The following BICDL1 variants were observed in gnomAD, a reference collection of about 807,000 sequenced individuals.
BICDL1 encodes the protein BICD family like cargo adaptor 1, also known as BICD family-like cargo adapter 1.
Under a neutral mutation model 76.8 loss-of-function variants are expected in BICDL1, and 20 were observed. The ratio of observed to expected loss-of-function variants is 0.26; its 90% confidence interval spans 0.18 to 0.38. The LOEUF is 0.38. Among genes scored for constraint, BICDL1 ranks in the 10% least tolerant of loss-of-function variants. The probability of loss-of-function intolerance (pLI) is 1.00; values close to 1 mark genes in which losing one functional copy is unlikely to be tolerated. For missense variants in BICDL1, 700 were observed against 798.6 expected (o/e 0.88, Z 1.49); for synonymous variants, 383 against 337.1 (o/e 1.14, Z -1.49).
chr12:120,093,079 G>C lies in BICDL1; in HGVS notation c.1784G>C (p.Cys595Ser). 2 of 1,609,652 alleles carry C rather than the reference G, an allele frequency of 1.2e-6. No individual in the cohort carries two copies. The highest frequency in any genetic ancestry group is 2.2e-5 in the East Asian group (1 of 44,796). ...CGGAGCCAGCCGGCTGCTGCCCTCT[G>C]CAGGGGCCACAGCGCTGGGCGGGGG... ...KERSQPAAAL[C>S]RGHSAGRGDE... The change falls in exon 10 of 10, where the codon TGC (cysteine) becomes TCC (serine). Residue 595 changes from cysteine to serine, a missense_variant. By Grantham distance (112) the Cys-to-Ser change is moderately radical. This residue lies in a region of BICDL1 where 455 missense variants were observed against 548.7 expected (regional missense o/e 0.83). Coordinates refer to ENST00000548673, the MANE Select transcript of BICDL1 (RefSeq NM_001367886.1).
intron 7 of BICDL1, among the ~76,000 whole-genome samples, chr12:120,077,997 C>T (rs536836051): frequency 6.6e-6 from 1 of 152,352 alleles, no homozygotes; most frequent in East Asian, 1.9e-4. Context: ...TTTAGCAGAA[C>T]TGAACATAGG....
At chr12:120,000,090 A>T (rs1188474245) in intron 2 of BICDL1, among the ~76,000 whole-genome samples, 1 of 152,214 alleles carries the variant, frequency 6.6e-6, no homozygotes, top group African/African-American at 2.4e-5. Context: ...TCACAAGAAT[A>T]TGGGAAGAAG....
At chr12:120,073,355 A>T (rs1040298250) in intron 6 of BICDL1, among the ~76,000 whole-genome samples, 1 of 152,224 alleles carries the variant, frequency 6.6e-6, no homozygotes, top group Non-Finnish European at 1.5e-5. Flanking sequence ...TTGCATATAG[A>T]AGTTTGTATC....
chr12:120,052,828 A>G (rs1952891813), intron 2 of BICDL1, among the ~76,000 whole-genome samples: 1 of 152,200 alleles, frequency 6.6e-6, no homozygotes, highest in African/African-American at 2.4e-5. Flanking sequence ...GCTGGAGTGC[A>G]GGGCACAATC....
intron 1 of BICDL1, among the ~76,000 whole-genome samples, chr12:119,997,563 C>A (rs12322236): frequency 6.6e-6 from 1 of 152,168 alleles, no homozygotes; most frequent in South Asian, 2.1e-4. Context: ...AATTACATTG[C>A]TATATATAGC....
intron 2 of BICDL1, among the ~76,000 whole-genome samples, chr12:120,017,176 G>A (rs935373869): frequency 2.0e-5 from 3 of 152,232 alleles, no homozygotes; most frequent in Non-Finnish European, 4.4e-5. Flanking sequence ...AATTACAGGC[G>A]TGAGCCATCG....
At chr12:120,045,397 G>C (rs1434168637) in intron 2 of BICDL1, among the ~76,000 whole-genome samples, 5 of 151,880 alleles carry the variant, frequency 3.3e-5, no homozygotes, top group Middle Eastern at 3.2e-3. Context: ...AATACCATTT[G>C]ACCCAGCCAT....
In BICDL1 at chr12:120,034,573, G is replaced by T. The variant is rs56020553; in HGVS notation, c.646-27137G>T. ...TTGGCTTCACATGCCAGTTTCTTTC[G>T]AGGGATGCAGGGGTCAGCTAACTAT... On this transcript the variant is annotated intron_variant, in intron 2 of 9. Coordinates refer to ENST00000548673, the MANE Select transcript of BICDL1 (RefSeq NM_001367886.1). Among the ~76,000 whole-genome samples, 17 of 152,304 alleles carry T rather than the reference G, an allele frequency of 1.1e-4. No individual in the cohort carries two copies. In the South Asian group the frequency reaches 2.7e-3, roughly 24 times the overall value.
At chr12:120,040,324 C>G (rs1299340923) in intron 2 of BICDL1, among the ~76,000 whole-genome samples, 1 of 152,188 alleles carries the variant, frequency 6.6e-6, no homozygotes, top group Non-Finnish European at 1.5e-5. Flanking sequence ...CTCCTGACCT[C>G]AGGTGATCTG....
chr12:120,091,585 A>C (rs1874973945), intron 9 of BICDL1: 1 of 984,804 alleles, frequency 1.0e-6, no homozygotes, highest in Non-Finnish European at 1.2e-6. Context: ...AGGGGATGGA[A>C]GAGAAGGGAA....
intron 2 of BICDL1, among the ~76,000 whole-genome samples, chr12:120,037,497 G>A (rs1018489797): frequency 1.3e-5 from 2 of 151,952 alleles, no homozygotes; most frequent in African/African-American, 4.8e-5. Context: ...TGGCATCCCA[G>A]ATAGACATAA....
At chr12:120,022,459 TTATA>T (rs926357857) in intron 2 of BICDL1, among the ~76,000 whole-genome samples, 1 of 147,022 alleles carries the variant, frequency 6.8e-6, no homozygotes, top group South Asian at 2.1e-4. Context: ...ATTTTATATA[TTATA>T]TATTTATATA....
intron 2 of BICDL1, among the ~76,000 whole-genome samples, chr12:120,050,753 T>C (rs1251980948): frequency 6.6e-6 from 1 of 152,124 alleles, no homozygotes; most frequent in Non-Finnish European, 1.5e-5. Flanking sequence ...GCAATTCTCA[T>C]GCCTCAGCCT....
At chr12:120,021,568 C>G (rs1372905189) in intron 2 of BICDL1, among the ~76,000 whole-genome samples, 1 of 113,662 alleles carries the variant, frequency 8.8e-6, no homozygotes, top group Non-Finnish European at 1.7e-5. Flanking sequence ...CCCTGGGTGA[C>G]AGAACGAGAC....
rs764678417 is a variant in BICDL1, at chr12:119,990,003, C to T, written c.135C>T (p.Phe45=). The T allele has an allele frequency of 1.1e-5, 17 of 1,487,676 alleles. No individual in the cohort carries two copies. The highest frequency in any genetic ancestry group is 2.6e-5 in the East Asian group (1 of 38,866). 92.2% of individuals were successfully genotyped at this position (1,487,676 alleles called of 1,614,324 possible). The change falls in exon 1 of 10, where the codon TTC becomes TTT. Residue 45 remains phenylalanine (F), a synonymous_variant. Transcript: ENST00000548673. ...RSPAAAAALI[F]PGGSGELELA... ...CCGCCGCCGCCGCCGCCCTCATCTT[C>T]CCCGGGGGCTCCGGGGAGCTAGAAC...
intron 2 of BICDL1, among the ~76,000 whole-genome samples, chr12:120,013,503 C>G (rs971948289): frequency 7.2e-6 from 1 of 139,276 alleles, no homozygotes; most frequent in Non-Finnish European, 1.5e-5. Flanking sequence ...ACTCTATCAC[C>G]CAGGCTGGAG....
chr12:120,072,379 A>G (rs564162513), intron 5 of BICDL1, 132 bp from the exon 6 acceptor site: 227 of 772,824 alleles, frequency 2.9e-4, no homozygotes, highest in Admixed American at 2.6e-4. Context: ...AAAAAAAAAC[A>G]CAGAACAAAA....
intron 4 of BICDL1, among the ~76,000 whole-genome samples, chr12:120,068,770 C>T (rs576456898): frequency 3.9e-5 from 6 of 152,300 alleles, no homozygotes; most frequent in East Asian, 1.9e-4. Context: ...GAGCCACAAT[C>T]GTGCCACTGC....
intron 2 of BICDL1, among the ~76,000 whole-genome samples, chr12:120,024,595 C>T (rs946540877): frequency 3.3e-5 from 5 of 152,184 alleles, no homozygotes; most frequent in East Asian, 1.9e-4. Flanking sequence ...AAGAAAACTA[C>T]ACTGTCATTT....
Sources: gnomAD v4.1 joint callset for allele counts (sites outside exome capture counted in the v4.1 genomes callset) on GRCh38, gnomAD v4.1.1 for gene constraint, gnomAD v4.1.1 regional missense constraint, MANE v1.5 for transcripts, NCBI Gene and HGNC (gene_info 2026-07-23, HGNC 2026-07-21) for gene names.